The following CYS1 variants were observed in gnomAD, a reference collection of about 807,000 sequenced individuals.
CYS1 encodes the protein cystin 1.
In CYS1, 5 loss-of-function variants were observed where a neutral mutation model predicts 9.6. That is an observed-to-expected ratio of 0.52 (90% confidence interval 0.27 to 1.10). CYS1 has a LOEUF of 1.10. Ranked by LOEUF, CYS1 falls within the 50% of genes least tolerant of loss-of-function variation. CYS1 has a pLI of 0.11. For missense variants in CYS1, 221 were observed against 207.9 expected, an observed-to-expected ratio of 1.06 and a Z score of -0.39; for synonymous variants, 88 against 95.7, an observed-to-expected ratio of 0.92 and a Z score of 0.47.
intron 2 of CYS1, among the ~76,000 whole-genome samples, chr2:10,061,496 C>T (rs971520114): frequency 6.6e-6 from 1 of 152,244 alleles, no homozygotes; most frequent in Non-Finnish European, 1.5e-5. Context: ...ATAAAAGCCC[C>T]TCTGGGCTCA....
chr2:10,065,164 C>T (rs187155219), intron 2 of CYS1, among the ~76,000 whole-genome samples: 5 of 152,308 alleles, frequency 3.3e-5, no homozygotes, highest in African/African-American at 7.2e-5. Flanking sequence ...CCCTCAGCAC[C>T]GCTGTGGGGC....
chr2:10,068,555 T>C (rs1661724004), intron 1 of CYS1, among the ~76,000 whole-genome samples: 1 of 152,160 alleles, frequency 6.6e-6, no homozygotes, highest in Admixed American at 6.5e-5. Context: ...GTGATGAGAA[T>C]TTAGGCTGCA....
chr2:10,061,635 T>C (rs550603700), intron 2 of CYS1, among the ~76,000 whole-genome samples: 1 of 152,184 alleles, frequency 6.6e-6, no homozygotes, highest in Non-Finnish European at 1.5e-5. Context: ...GTAGGTGGAA[T>C]CTTGGGGAGA....
chr2:10,059,317 G>A (rs932098678), intron 2 of CYS1, among the ~76,000 whole-genome samples: 1 of 152,238 alleles, frequency 6.6e-6, no homozygotes, highest in Non-Finnish European at 1.5e-5. Context: ...TCTCAAGCAC[G>A]TAACTTTATT....
intron 1 of CYS1, among the ~76,000 whole-genome samples, chr2:10,069,331 C>T (rs1661734435): frequency 6.6e-6 from 1 of 152,138 alleles, no homozygotes; most frequent in Non-Finnish European, 1.5e-5. Context: ...TCTCCTATTA[C>T]CCTTTCTGGA....
chr2:10,075,973 G>A (rs1661836870), intron 1 of CYS1, among the ~76,000 whole-genome samples: 1 of 152,148 alleles, frequency 6.6e-6, no homozygotes, highest in African/African-American at 2.4e-5. Context: ...GACCACCTGA[G>A]GTCAGGAGTT....
At chr2:10,060,862 C>T (rs909645363) in intron 2 of CYS1, among the ~76,000 whole-genome samples, 5 of 152,224 alleles carry the variant, frequency 3.3e-5, no homozygotes, top group African/African-American at 1.2e-4. Context: ...GCGCCATCTG[C>T]GGTGTGTCTA....
At chr2:10,059,457 G>A (rs1190625832) in intron 2 of CYS1, among the ~76,000 whole-genome samples, 2 of 152,230 alleles carry the variant, frequency 1.3e-5, no homozygotes, top group African/African-American at 4.8e-5. Flanking sequence ...AGCACTTTGG[G>A]AGGCCCAGGT....
chr2:10,080,355 C>A lies in CYS1; in HGVS notation c.-132G>T. ...CGGGGCGAGGTCCGGGAAGCGACCGCGGCCAGGGGCTAGGGTTCCCGGGCG... is the reference window on the plus strand; with the variant it reads ...CGGGGCGAGGTCCGGGAAGCGACCGAGGCCAGGGGCTAGGGTTCCCGGGCG... On this transcript the variant is annotated 5_prime_UTR_variant, in exon 1 of 3. Transcript: ENST00000381813. This position sits in a 1 kb window ranked among gnomAD's most constrained non-coding sequence, Gnocchi z 6.4. The A allele has an allele frequency of 2.2e-6, 1 of 444,546 alleles. No homozygotes were observed. The highest frequency in any genetic ancestry group is 3.0e-6 in the Non-Finnish European group (1 of 333,906). 27.5% of individuals were successfully genotyped at this position (444,546 alleles called of 1,614,324 possible). A position where few individuals can be genotyped will look rare whatever the true frequency, so the allele number is the denominator to read the frequency against.
In CYS1 at chr2:10,058,911, G is replaced by C. The variant is rs1661588677; in HGVS notation, c.419C>G (p.Ser140Cys). The C allele has an allele frequency of 6.3e-7, 1 of 1,596,294 alleles. No homozygotes were observed. Among genetic ancestry groups the C allele is most frequent in the East Asian group, 2.3e-5 (1 of 44,278 alleles). Residue 140 changes from serine to cysteine, a missense_variant, in exon 3 of 3, where the codon TCC becomes TGC. By Grantham distance (112) the Ser-to-Cys change is moderately radical. Transcript: ENST00000381813. ...CAGCCCCTCTTCCGAGTGGTCGTAG[G>C]AGATGGCTGCCGGCCTCTCGGGCTT... is the stretch of plus-strand genomic sequence containing the variant. ...RKKPERPAAI[S>C]YDHSEEGLMA...
intron 1 of CYS1, among the ~76,000 whole-genome samples, chr2:10,071,969 CA>C (rs1374602143): frequency 1.3e-5 from 2 of 152,112 alleles, no homozygotes; most frequent in Admixed American, 1.3e-4. Context: ...TTGGAAAGAC[CA>C]AACCACAGCT....
intron 2 of CYS1, among the ~76,000 whole-genome samples, chr2:10,060,720 A>G (rs1572453600): frequency 6.6e-6 from 1 of 152,224 alleles, no homozygotes; most frequent in East Asian, 1.9e-4. Context: ...GACGTTCTGG[A>G]GCCAGGCAGA....
At chr2:10,073,772 G>T (rs1661807974) in intron 1 of CYS1, among the ~76,000 whole-genome samples, 1 of 152,188 alleles carries the variant, frequency 6.6e-6, no homozygotes, top group Non-Finnish European at 1.5e-5. Flanking sequence ...CTCTCGAAGA[G>T]TGCATGAGCC....
At chr2:10,070,568 A>G (rs1037318517) in intron 1 of CYS1, among the ~76,000 whole-genome samples, 4 of 150,714 alleles carry the variant, frequency 2.7e-5, no homozygotes, top group Admixed American at 2.6e-4. Flanking sequence ...CTGGTCTTGA[A>G]CTCCTGACCT....
At chr2:10,065,562 G>A (rs1477940820) in intron 2 of CYS1, among the ~76,000 whole-genome samples, 1 of 152,256 alleles carries the variant, frequency 6.6e-6, no homozygotes, top group Admixed American at 6.5e-5. Context: ...CTTAAGGGCT[G>A]TGTCTTGTTC....
chr2:10,066,508 G>A (rs1239638684), intron 1 of CYS1, among the ~76,000 whole-genome samples: 1 of 152,216 alleles, frequency 6.6e-6, no homozygotes, highest in Non-Finnish European at 1.5e-5. Flanking sequence ...GCCAGGACGT[G>A]TCTACACAGC....
intron 2 of CYS1, 110 bp from the exon 3 acceptor site, chr2:10,059,068 C>T (rs989011052): frequency 2.1e-5 from 22 of 1,028,076 alleles, no homozygotes; most frequent in Non-Finnish European, 3.2e-5. Flanking sequence ...AAACCCAAAC[C>T]GAAGTCTTTG....
At chr2:10,072,734 C>T (rs1251866283) in intron 1 of CYS1, among the ~76,000 whole-genome samples, 1 of 152,236 alleles carries the variant, frequency 6.6e-6, no homozygotes, top group Non-Finnish European at 1.5e-5. Context: ...TTTTGCTAGT[C>T]TCGTTCTGTT....
At chr2:10,059,399 A>C (rs1263378202) in intron 2 of CYS1, among the ~76,000 whole-genome samples, 6 of 152,246 alleles carry the variant, frequency 3.9e-5, no homozygotes, top group Admixed American at 2.0e-4. Context: ...CCACAGCCTT[A>C]ATCAATGGGA....
Sources: allele counts gnomAD v4.1 joint callset (sites outside exome capture counted in the v4.1 genomes callset), GRCh38; gene constraint gnomAD v4.1.1; non-coding constraint Gnocchi (gnomAD v3.1); transcripts MANE v1.5; gene names NCBI Gene and HGNC (gene_info 2026-07-23, HGNC 2026-07-21).